The following ALG9 variants were observed in gnomAD, a reference collection of about 807,000 sequenced individuals.
ALG9 encodes alpha-1,2-mannosyltransferase ALG9.
In ALG9, 55 loss-of-function variants were observed where a neutral mutation model predicts 81.8. The ratio of observed to expected loss-of-function variants is 0.67; its 90% CI spans 0.54 to 0.84. ALG9 has a LOEUF of 0.84. Ranked by LOEUF, ALG9 falls within the 40% of genes least tolerant of loss-of-function variation. ALG9 has a pLI of 0.00. For synonymous variants in ALG9, 278 were observed against 274.3 expected (o/e 1.01, Z -0.13); for missense variants, 629 against 745.0 (o/e 0.84, Z 1.81).
At chr11:111,858,747 A>G (rs1959112494) in intron 5 of ALG9, among the ~76,000 whole-genome samples, 1 of 152,252 alleles carries the variant, frequency 6.6e-6, no homozygotes, top group African/African-American at 2.4e-5. Flanking sequence ...AAAAATCAGT[A>G]TCAACTACAA....
At chr11:111,800,206 T>C (rs1555079228) in intron 14 of ALG9, among the ~76,000 whole-genome samples, 1 of 151,894 alleles carries the variant, frequency 6.6e-6, no homozygotes, top group Non-Finnish European at 1.5e-5. Context: ...CTAGGCCGGG[T>C]GTGGTGGCTC....
At position 111,834,086 on chromosome 11, in the gene ALG9, C is replaced by T. The variant is rs146771397; in HGVS notation, c.1602+2079G>A. The stretch of plus-strand genomic sequence containing the variant: ...CAAAGTGCAGTCATTCTCTTCATGG[C>T]ATTCACATATTTGATGTGGAAAGAT... On this transcript the variant is annotated intron_variant, in intron 13 of 14. Coordinates refer to ENST00000616540, the MANE Select transcript of ALG9 (RefSeq NM_024740.2). Among the ~76,000 whole-genome samples the T allele has an allele frequency of 1.1e-3, 170 of 152,310 alleles. 1 individual carries two copies. Among genetic ancestry groups the T allele is most frequent in the African/African-American group, 3.7e-3 (154 of 41,568 alleles).
chr11:111,810,620 G>C (rs1950565110), intron 13 of ALG9, among the ~76,000 whole-genome samples: 1 of 152,088 alleles, frequency 6.6e-6, no homozygotes. Flanking sequence ...GCTAGGTGTG[G>C]TGGCACATAT....
chr11:111,844,672 A>C lies in ALG9; in HGVS notation c.947T>G (p.Val316Gly). The C allele has an allele frequency of 6.2e-7, 1 of 1,614,062 alleles. No homozygotes were observed. The highest frequency in any genetic ancestry group is 8.5e-7 in the Non-Finnish European group (1 of 1,179,902). The change falls in exon 9 of 15, where the codon GTA becomes GGA. Residue 316 changes from valine to glycine, a missense_variant. By Grantham distance (109) the Val-to-Gly change is moderately radical. Around this residue, in one of 3 missense-constraint regions of ALG9, gnomAD observed 344 missense variants for 390.5 expected, o/e 0.88. Coordinates refer to ENST00000616540, the MANE Select transcript of ALG9 (RefSeq NM_024740.2). The part of the protein sequence containing the change: ...YLINGFLNFN[V>G]AFALALLVLP... The stretch of plus-strand genomic sequence containing the variant: ...GACTAGGAGAGCCAAAGCAAAGGCT[A>C]CATTGAAATTCAGAAATCCATTAAT...
chr11:111,793,769 A>G (rs1947828761), intron 14 of ALG9, among the ~76,000 whole-genome samples: 1 of 152,098 alleles, frequency 6.6e-6, no homozygotes, highest in African/African-American at 2.4e-5. Flanking sequence ...TCAAAAAAAA[A>G]AAAAAAAAAG....
chr11:111,835,468 A>G (rs912282426), intron 13 of ALG9, among the ~76,000 whole-genome samples: 3 of 152,224 alleles, frequency 2.0e-5, no homozygotes, highest in African/African-American at 7.2e-5. Context: ...GTATGGAAAC[A>G]GTCTTTACTG....
chr11:111,823,901 T>A (rs1054410609), intron 13 of ALG9, among the ~76,000 whole-genome samples: 22 of 152,222 alleles, frequency 1.4e-4, no homozygotes, highest in African/African-American at 5.3e-4. Context: ...AGTAAGCCAC[T>A]ACCAATTGAT....
chr11:111,778,442 T>C (rs1945754594), downstream of ALG9: 1 of 152,280 alleles, frequency 6.6e-6, no homozygotes, highest in Admixed American at 6.5e-5. Flanking sequence ...TTCAGTATCA[T>C]ATTAGTTAAT....
chr11:111,794,687 CCCAT>C (rs1565620960), intron 14 of ALG9, among the ~76,000 whole-genome samples: 2 of 152,070 alleles, frequency 1.3e-5, no homozygotes, highest in African/African-American at 2.4e-5. Context: ...CATCCATCCA[CCCAT>C]CCATCCAAGC....
rs180893781 is a variant in ALG9 at position 111,785,836 on chromosome 11, C to T, written c.*561G>A. 1.1e-5 allele frequency: 4 copies of T among 356,676 alleles called. No individual in the cohort carries two copies. In the Admixed American group the frequency reaches 1.5e-4, roughly 14 times the overall value. The allele number at this position is 356,676 out of a possible 1,614,324, so 22.1% of individuals were successfully genotyped here. ...GACAGGGTCCTAGTCCTGTGAAGTG[C>T]TTTAAAGAAGCTTAGTCTTGCTGGA... On this transcript the variant is annotated 3_prime_UTR_variant, in exon 15 of 15. Transcript: ENST00000616540.
At chr11:111,823,474 A>G (rs1356784004) in intron 13 of ALG9, among the ~76,000 whole-genome samples, 1 of 152,198 alleles carries the variant, frequency 6.6e-6, no homozygotes, top group African/African-American at 2.4e-5. Context: ...TGCTTTTAGT[A>G]CTGAACACAG....
At chr11:111,821,652 T>C (rs2136587909) in intron 13 of ALG9, among the ~76,000 whole-genome samples, 1 of 152,084 alleles carries the variant, frequency 6.6e-6, no homozygotes, top group East Asian at 1.9e-4. Flanking sequence ...TTTTTTTTTT[T>C]TGAGATAGAG....
chr11:111,803,746 A>G (rs537668816), intron 14 of ALG9, among the ~76,000 whole-genome samples: 3 of 152,316 alleles, frequency 2.0e-5, no homozygotes, highest in Admixed American at 2.0e-4. Flanking sequence ...TGGAACAACC[A>G]TGCATCCTCA....
At chr11:111,836,129 C>A (rs782371858) in intron 13 of ALG9, 36 bp downstream of exon 13, 4 of 1,613,054 alleles carry the variant, frequency 2.5e-6, no homozygotes, top group Middle Eastern at 1.7e-4. Context: ...GCATAGAATT[C>A]TTTTCAGAGA....
At chr11:111,775,965 C>T in the ALG9 span, among the ~76,000 whole-genome samples, 8 of 152,194 alleles carry the variant, frequency 5.3e-5, no homozygotes, top group Middle Eastern at 6.8e-3. Flanking sequence ...ATAATATCTC[C>T]AAGCATCAGT....
In ALG9 at chr11:111,840,777, A is replaced by C; in HGVS notation, c.1051T>G (p.Leu351Val). Residue 351 changes from leucine (L) to valine (V), a missense_variant, in exon 10 of 15, where the codon TTG becomes GTG. Around this residue, in one of 3 missense-constraint regions of ALG9, gnomAD observed 21 missense variants for 52.4 expected, o/e 0.40. Transcript: ENST00000616540. ...ATAAACCAAATATACATTGGAGCCA[A>C]GGTAAGCCAATACGGGTGGCCTAAA... ...QNLGHPYWLT[L>V]APMYIWFIIF... is the part of the protein sequence containing the mutation. 1 of 1,614,178 alleles carries C rather than the reference A, an allele frequency of 6.2e-7. No homozygotes were observed. Among genetic ancestry groups the C allele is most frequent in the Middle Eastern group, 1.6e-4 (1 of 6,062 alleles).
the ALG9 span, among the ~76,000 whole-genome samples, chr11:111,769,984 C>G: frequency 1.6e-4 from 25 of 152,130 alleles, no homozygotes; most frequent in Admixed American, 9.2e-4. Context: ...CCACCTTCCA[C>G]CCCCTAACAC....
At chr11:111,844,973 C>T (rs1956749578) in intron 8 of ALG9, among the ~76,000 whole-genome samples, 1 of 152,238 alleles carries the variant, frequency 6.6e-6, no homozygotes, top group Admixed American at 6.5e-5. Flanking sequence ...ATTTTCTATA[C>T]TGACCACTAT....
chr11:111,844,300 G>A (rs529948416), intron 9 of ALG9, among the ~76,000 whole-genome samples: 10 of 152,214 alleles, frequency 6.6e-5, no homozygotes, highest in East Asian at 1.9e-4. Flanking sequence ...CACCGCGCCC[G>A]GCCTCCTTCT....
Sources: gnomAD v4.1 joint callset for allele counts (sites outside exome capture counted in the v4.1 genomes callset) on GRCh38, gnomAD v4.1.1 for gene constraint, gnomAD v4.1.1 regional missense constraint, MANE v1.5 for transcripts, NCBI Gene and HGNC (gene_info 2026-07-23, HGNC 2026-07-21) for gene names.